Variants in ACER3 observed in about 807,000 individuals in gnomAD.
ACER3 encodes alkaline ceramidase 3.
In ACER3, 16 loss-of-function variants were observed where a neutral mutation model predicts 48.9. That is an observed-to-expected ratio of 0.33 (90% CI 0.22 to 0.50). ACER3 has a LOEUF of 0.50. Among genes scored for constraint, ACER3 ranks in the 20% least tolerant of loss-of-function variants. The pLI is 0.98. For missense variants in ACER3, 227 were observed against 326.0 expected (o/e 0.70, Z 2.34); for synonymous variants, 109 against 107.8 (o/e 1.01, Z -0.07).
intron 9 of ACER3, among the ~76,000 whole-genome samples, chr11:77,019,349 C>T (rs1216875028): frequency 1.3e-5 from 2 of 152,066 alleles, no homozygotes; most frequent in Non-Finnish European, 1.5e-5. Flanking sequence ...ATCCCAGGTA[C>T]TCAGGAGGCT....
intron 1 of ACER3, among the ~76,000 whole-genome samples, chr11:76,865,304 C>T (rs1344367434): frequency 6.6e-6 from 1 of 151,728 alleles, no homozygotes; most frequent in Admixed American, 6.6e-5. Flanking sequence ...ACTATCCCTT[C>T]ATGAATTCTT....
chr11:76,900,584 C>T (rs1429419719), intron 1 of ACER3, among the ~76,000 whole-genome samples: 2 of 152,088 alleles, frequency 1.3e-5, no homozygotes, highest in Non-Finnish European at 2.9e-5. Flanking sequence ...CTTTGGAAAG[C>T]TGAGGTGAAA....
At chr11:77,008,242 A>G (rs1386115434) in intron 7 of ACER3, among the ~76,000 whole-genome samples, 1 of 152,224 alleles carries the variant, frequency 6.6e-6, no homozygotes, top group African/African-American at 2.4e-5. Flanking sequence ...ATGAAAAAGT[A>G]TATCCACTTC....
chr11:77,024,994 C>T lies in ACER3; in HGVS notation c.*4667C>T, dbSNP rs1410118814. The T allele has an allele frequency of 1.3e-5, 2 of 152,212 alleles. No homozygotes were observed. The highest frequency in any genetic ancestry group is 2.9e-5 in the Non-Finnish European group (2 of 68,038). 9.4% of individuals were successfully genotyped at this position (152,212 alleles called of 1,614,324 possible). On this transcript the variant is annotated 3_prime_UTR_variant, in exon 11 of 11. Coordinates refer to ENST00000532485, the MANE Select transcript of ACER3 (RefSeq NM_018367.7). ...CACTGCTCTGCATACAGTTCCTTTT[C>T]AACCCTTACAAGACCTGCTTCATTG... is the stretch of plus-strand genomic sequence containing the variant.
chr11:77,007,365 T>G (rs2090524), intron 7 of ACER3, among the ~76,000 whole-genome samples: 90,722 of 151,996 alleles, frequency 0.6, 30,755 homozygotes, highest in Non-Finnish European at 0.76. Flanking sequence ...ACAGGTCCCT[T>G]AGCACCACCT....
At chr11:76,963,323 G>C (rs1948049812) in intron 3 of ACER3, among the ~76,000 whole-genome samples, 1 of 110,972 alleles carries the variant, frequency 9.0e-6, no homozygotes, top group Non-Finnish European at 2.2e-5. Flanking sequence ...GCATAGATAA[G>C]TTTCTCAAAC....
chr11:76,886,490 C>CGTTA (rs1945674543), intron 1 of ACER3, among the ~76,000 whole-genome samples: 1 of 152,012 alleles, frequency 6.6e-6, no homozygotes, highest in Non-Finnish European at 1.5e-5. Flanking sequence ...TTAGGAGATA[C>CGTTA]GTTAGCATGT....
chr11:77,011,478 T>A, intron 7 of ACER3: 1 of 655,608 alleles, frequency 1.5e-6, no homozygotes, highest in Non-Finnish European at 1.9e-6. Context: ...GCCTTCACTG[T>A]GTTGAGGCCT....
intron 4 of ACER3, among the ~76,000 whole-genome samples, chr11:76,982,211 C>T (rs1173151899): frequency 3.4e-5 from 5 of 146,926 alleles, no homozygotes. Context: ...CTATTCAAAC[C>T]TTTTTCCTTT....
At chr11:77,016,919 C>A in intron 9 of ACER3, 140 bp downstream of exon 9, 3 of 447,776 alleles carry the variant, frequency 6.7e-6, no homozygotes, top group Non-Finnish European at 1.2e-5. Context: ...TCTTGAACAA[C>A]CGCTGGGTCA....
At chr11:76,882,056 G>A (rs1318036008) in intron 1 of ACER3, among the ~76,000 whole-genome samples, 1 of 147,822 alleles carries the variant, frequency 6.8e-6, no homozygotes, top group Admixed American at 6.8e-5. Context: ...TCAGGCTGGA[G>A]TGCAGTGGCG....
intron 2 of ACER3, among the ~76,000 whole-genome samples, chr11:76,944,058 G>T (rs922842397): frequency 1.3e-5 from 2 of 151,660 alleles, no homozygotes; most frequent in African/African-American, 2.4e-5. Flanking sequence ...TATAGGTAAG[G>T]TGAGTTTCTT....
chr11:76,959,265 A>T, intron 3 of ACER3: 1 of 1,349,444 alleles, frequency 7.4e-7, no homozygotes, highest in Non-Finnish European at 9.6e-7. Context: ...GTGCGGGCAT[A>T]TAAAATTGAG....
At chr11:76,866,327 T>A (rs1945088985) in intron 1 of ACER3, among the ~76,000 whole-genome samples, 1 of 152,248 alleles carries the variant, frequency 6.6e-6, no homozygotes, top group African/African-American at 2.4e-5. Context: ...CACATAAGTT[T>A]ATCACCAGGA....
intron 4 of ACER3, among the ~76,000 whole-genome samples, chr11:76,984,708 A>T (rs1948652295): frequency 6.6e-6 from 1 of 152,240 alleles, no homozygotes; most frequent in South Asian, 2.1e-4. Flanking sequence ...TTGAGGAGAT[A>T]GATAAGGGAA....
intron 1 of ACER3, among the ~76,000 whole-genome samples, chr11:76,875,001 G>C (rs1284740562): frequency 2.0e-5 from 3 of 150,428 alleles, no homozygotes; most frequent in Non-Finnish European, 3.0e-5. Flanking sequence ...TTTAAATCTT[G>C]ACTGATTACT....
chr11:76,998,603 T>C, intron 6 of ACER3, 160 bp from the exon 7 acceptor site: 1 of 548,798 alleles, frequency 1.8e-6, no homozygotes, highest in Non-Finnish European at 3.1e-6. Context: ...GTTAGCATGA[T>C]TTAGTGATTT....
At chr11:76,896,048 AC>A (rs1945920299) in intron 1 of ACER3, among the ~76,000 whole-genome samples, 1 of 152,202 alleles carries the variant, frequency 6.6e-6, no homozygotes, top group Non-Finnish European at 1.5e-5. Flanking sequence ...ACCTGGGAAA[AC>A]CCTGGAGTTA....
At chr11:76,990,041 AT>A (rs1174937970) in intron 5 of ACER3, among the ~76,000 whole-genome samples, 4 of 152,176 alleles carry the variant, frequency 2.6e-5, no homozygotes, top group Non-Finnish European at 4.4e-5. Context: ...ACTTTCAGGT[AT>A]TTTAGCTTAT....
Sources: gnomAD v4.1 joint callset for allele counts (sites outside exome capture counted in the v4.1 genomes callset) on GRCh38, gnomAD v4.1.1 for gene constraint, MANE v1.5 for transcripts, NCBI Gene and HGNC (gene_info 2026-07-23, HGNC 2026-07-21) for gene names.